SNTG1: variants seen among roughly 807,000 people sequenced by gnomAD.
SNTG1 encodes gamma-1-syntrophin.
A neutral mutation model predicts 74.7 loss-of-function variants in SNTG1; 39 were observed. The ratio of observed to expected loss-of-function variants is 0.52; its 90% CI spans 0.40 to 0.68. The LOEUF (loss-of-function observed/expected upper bound fraction) is 0.68, where lower values mean the gene tolerates loss of function less well. SNTG1 is among the 30% of genes least tolerant of loss of function. The pLI, the probability that SNTG1 is intolerant of heterozygous loss-of-function variation, is 0.00. For missense variants in SNTG1, 685 were observed against 609.5 expected (o/e 1.12, Z -1.30); for synonymous variants, 254 against 217.1 (o/e 1.17, Z -1.49).
At chr8:50,284,501 C>T (rs7011376) in intron 2 of SNTG1, among the ~76,000 whole-genome samples, 10,575 of 152,128 alleles carry the variant, frequency 0.07, 409 homozygotes, top group African/African-American at 0.085. Context: ...GGTCCTTTAA[C>T]ATCCACCTGT....
At chr8:50,531,788 A>G (rs1344388721) in intron 10 of SNTG1, among the ~76,000 whole-genome samples, 4 of 152,190 alleles carry the variant, frequency 2.6e-5, no homozygotes, top group Non-Finnish European at 4.4e-5. Flanking sequence ...GACAGAAACA[A>G]GAGCAACTTA....
intron 4 of SNTG1, among the ~76,000 whole-genome samples, chr8:50,426,712 TATAAA>T (rs2093167948): frequency 6.6e-6 from 1 of 152,038 alleles, no homozygotes. Flanking sequence ...TCTACAGTAT[TATAAA>T]GTAGTGTGCT....
At chr8:50,319,365 A>AAAATAAAT (rs71233483) in intron 2 of SNTG1, among the ~76,000 whole-genome samples, 11 of 150,768 alleles carry the variant, frequency 7.3e-5, no homozygotes, top group Non-Finnish European at 1.0e-4. Flanking sequence ...CTCCTTCTCA[A>AAAATAAAT]AAATAAATAA....
At chr8:50,623,061 T>C (rs1430346290) in intron 13 of SNTG1, among the ~76,000 whole-genome samples, 1 of 152,066 alleles carries the variant, frequency 6.6e-6, no homozygotes, top group Non-Finnish European at 1.5e-5. Context: ...CAATTTTTGG[T>C]TTTGTTTTTT....
At chr8:49,936,170 G>T (rs996346995) in intron 1 of SNTG1, among the ~76,000 whole-genome samples, 1 of 152,168 alleles carries the variant, frequency 6.6e-6, no homozygotes, top group Non-Finnish European at 1.5e-5. Flanking sequence ...TAATTTAAAG[G>T]GCTTAGTGCA....
At chr8:49,990,713 G>A (rs1276933286) in intron 1 of SNTG1, among the ~76,000 whole-genome samples, 1 of 152,046 alleles carries the variant, frequency 6.6e-6, no homozygotes, top group Non-Finnish European at 1.5e-5. Context: ...GGAGAAAGAA[G>A]TGTCTTGTAA....
rs530848414 is a variant in SNTG1 at position 50,701,340 on chromosome 8, A to G, written c.1039-3260A>G. Among the ~76,000 whole-genome samples the G allele has an allele frequency of 4.9e-4, 74 of 152,328 alleles. No individual in the cohort carries two copies. The South Asian group carries it at 0.015, about 30-fold the overall frequency. ...TATACTGTGTTCAAGTCCAAAATTT[A>G]TAACCAGATCAATCATCCCATGTCC... On this transcript the variant is annotated intron_variant, in intron 15 of 18. Coordinates refer to ENST00000642720, the MANE Select transcript of SNTG1 (RefSeq NM_018967.5).
intron 12 of SNTG1, among the ~76,000 whole-genome samples, chr8:50,557,948 A>G (rs768046893): frequency 4.6e-5 from 7 of 152,170 alleles, no homozygotes; most frequent in Admixed American, 6.5e-5. Context: ...CAGTTCACAC[A>G]TAAAATCGGG....
intron 1 of SNTG1, among the ~76,000 whole-genome samples, chr8:49,913,468 T>C (rs1805753784): frequency 6.6e-6 from 1 of 152,204 alleles, no homozygotes; most frequent in Non-Finnish European, 1.5e-5. Flanking sequence ...TCTTGTTTTA[T>C]GTTGGCTGAG....
chr8:50,566,734 G>A (rs2130728060), intron 12 of SNTG1, among the ~76,000 whole-genome samples: 1 of 147,064 alleles, frequency 6.8e-6, no homozygotes, highest in East Asian at 1.9e-4. Flanking sequence ...TTGTTTTTCA[G>A]AAGTCTTTTT....
At chr8:50,270,451 CA>C (rs1484057415) in intron 2 of SNTG1, among the ~76,000 whole-genome samples, 2 of 152,156 alleles carry the variant, frequency 1.3e-5, no homozygotes, top group African/African-American at 4.8e-5. Flanking sequence ...GCTGGATCTT[CA>C]AAAAAGTTTA....
intron 2 of SNTG1, among the ~76,000 whole-genome samples, chr8:50,197,807 G>C (rs1000154806): frequency 2.6e-5 from 4 of 152,050 alleles, no homozygotes; most frequent in Non-Finnish European, 4.4e-5. Context: ...TAGTAAACAT[G>C]TCCTAGTACC....
At chr8:50,055,515 G>T (rs758512549) in intron 1 of SNTG1, among the ~76,000 whole-genome samples, 13 of 152,110 alleles carry the variant, frequency 8.5e-5, no homozygotes, top group Non-Finnish European at 1.6e-4. Context: ...AATGCGTGGG[G>T]CAGGGAGGAA....
chr8:50,135,226 C>T (rs2081434684), intron 1 of SNTG1, among the ~76,000 whole-genome samples: 2 of 152,158 alleles, frequency 1.3e-5, no homozygotes, highest in South Asian at 4.1e-4. Context: ...TCAAAGCTTT[C>T]TGAATGAAGT....
chr8:50,661,262 A>T (rs545206086), intron 15 of SNTG1, among the ~76,000 whole-genome samples: 1 of 152,340 alleles, frequency 6.6e-6, no homozygotes, highest in Admixed American at 6.5e-5. Flanking sequence ...AATAATATGT[A>T]GGAAGGACTG....
At chr8:50,476,765 T>C (rs904437963) in intron 8 of SNTG1, among the ~76,000 whole-genome samples, 1 of 152,038 alleles carries the variant, frequency 6.6e-6, no homozygotes, top group Non-Finnish European at 1.5e-5. Context: ...AGTACCTAGA[T>C]CTTGGTATCT....
rs548837543 is a variant in SNTG1 at position 50,609,501 on chromosome 8, G to C, written c.849+18584G>C. On this transcript the variant is annotated intron_variant, in intron 13 of 18. Coordinates refer to ENST00000642720, the MANE Select transcript of SNTG1 (RefSeq NM_018967.5). The stretch of plus-strand genomic sequence containing the variant: ...GTCTTCCAGAAGTTTAATATTCCTA[G>C]CTGTACATCTCTTTGTGTTTATTCC... Among the ~76,000 whole-genome samples, 3 of 152,008 alleles carry C rather than the reference G, an allele frequency of 2.0e-5. No individual in the cohort carries two copies. The South Asian group carries it at 6.2e-4, about 31-fold the overall frequency.
chr8:50,005,214 C>T (rs1369871234), intron 1 of SNTG1, among the ~76,000 whole-genome samples: 1 of 151,684 alleles, frequency 6.6e-6, no homozygotes, highest in East Asian at 1.9e-4. Flanking sequence ...ACATTCTAAA[C>T]TAGAAAACAA....
intron 15 of SNTG1, among the ~76,000 whole-genome samples, chr8:50,674,659 T>C (rs548717206): frequency 6.6e-6 from 1 of 152,196 alleles, no homozygotes; most frequent in Non-Finnish European, 1.5e-5. Context: ...TGTGTCTCTA[T>C]CTCCTTCAAT....
Sources: allele counts gnomAD v4.1 joint callset (sites outside exome capture counted in the v4.1 genomes callset), GRCh38; gene constraint gnomAD v4.1.1; transcripts MANE v1.5; gene names NCBI Gene and HGNC (gene_info 2026-07-23, HGNC 2026-07-21).